Variants in NXPH2 observed in about 807,000 individuals in gnomAD.
NXPH2 encodes neurexophilin 2, also known as neurexophilin-2.
Under a neutral mutation model 19.8 loss-of-function variants are expected in NXPH2, and 5 were observed. The ratio of observed to expected loss-of-function variants is 0.25; its 90% confidence interval spans 0.13 to 0.53. NXPH2 has a LOEUF of 0.53. Among genes scored for constraint, NXPH2 ranks in the 20% least tolerant of loss-of-function variants. NXPH2 has a pLI of 0.96. For synonymous variants in NXPH2, 154 were observed against 127.4 expected, an observed-to-expected ratio of 1.21 and a Z score of -1.41; for missense variants, 289 against 322.8, an observed-to-expected ratio of 0.90 and a Z score of 0.80.
chr2:138,688,572 T>C (rs2104974212), intron 1 of NXPH2, among the ~76,000 whole-genome samples: 1 of 152,326 alleles, frequency 6.6e-6, no homozygotes, highest in African/African-American at 2.4e-5. Context: ...TCCACTAAAG[T>C]ACACTTTTGT....
chr2:138,713,861 C>T lies in NXPH2; in HGVS notation c.52-42196G>A, dbSNP rs142573506. On this transcript the variant is annotated intron_variant, in intron 1 of 1. Coordinates refer to ENST00000272641, the MANE Select transcript of NXPH2 (RefSeq NM_007226.3). The stretch of plus-strand genomic sequence containing the variant: ...TTTTCAGCGTAAATTACTGAACAAT[C>T]CTCCAGATACTGATTTTTATCTGCT... Among the ~76,000 whole-genome samples, 556 of 152,218 alleles carry T rather than the reference C, an allele frequency of 3.7e-3. 5 individuals are homozygous for T. The highest frequency in any genetic ancestry group is 3.7e-3 in the Non-Finnish European group (253 of 68,028).
chr2:138,677,873 A>G (rs1680507210), intron 1 of NXPH2, among the ~76,000 whole-genome samples: 1 of 152,210 alleles, frequency 6.6e-6, no homozygotes, highest in Non-Finnish European at 1.5e-5. Context: ...CAGAGTTCCC[A>G]TAGACCCTGC....
chr2:138,671,357 G>T lies in NXPH2; in HGVS notation c.360C>A (p.Asn120Lys). The T allele has an allele frequency of 1.9e-6, 3 of 1,613,880 alleles. No homozygotes were observed. Among genetic ancestry groups the T allele is most frequent in the Non-Finnish European group, 2.5e-6 (3 of 1,179,828 alleles). ...KMFGWGDFHS[N>K]IKTVKLNLLI... is the part of the protein sequence containing the mutation. ...GGAGATTGAGTTTGACAGTTTTAAT[G>T]TTGGAATGAAAGTCACCCCATCCAA... Residue 120 changes from asparagine to lysine, a missense_variant, in exon 2 of 2, where the codon AAC becomes AAA. Physicochemically the swap from Asn to Lys is moderately conservative, Grantham distance 94. Coordinates refer to ENST00000272641, the MANE Select transcript of NXPH2 (RefSeq NM_007226.3).
chr2:138,721,541 T>C (rs930252714), intron 1 of NXPH2, among the ~76,000 whole-genome samples: 2 of 152,120 alleles, frequency 1.3e-5, no homozygotes, highest in Admixed American at 6.5e-5. Context: ...ATGGAGGATG[T>C]ACTGGAGGAA....
chr2:138,764,310 C>T (rs1682061085), intron 1 of NXPH2, among the ~76,000 whole-genome samples: 2 of 152,142 alleles, frequency 1.3e-5, no homozygotes, highest in South Asian at 4.1e-4. Context: ...CAGGGGTCTC[C>T]AAACCTGGCT....
intron 1 of NXPH2, among the ~76,000 whole-genome samples, chr2:138,767,494 T>A (rs1682109662): frequency 6.6e-6 from 1 of 152,248 alleles, no homozygotes; most frequent in Non-Finnish European, 1.5e-5. Flanking sequence ...GTGCAGAACA[T>A]GCAGGTTTGT....
chr2:138,778,578 G>A (rs1159589540), intron 1 of NXPH2, among the ~76,000 whole-genome samples: 2 of 151,206 alleles, frequency 1.3e-5, no homozygotes, highest in East Asian at 1.9e-4. Context: ...CAGATACACA[G>A]TTCATATTTA....
At chr2:138,712,569 A>C (rs1681120771) in intron 1 of NXPH2, among the ~76,000 whole-genome samples, 1 of 152,166 alleles carries the variant, frequency 6.6e-6, no homozygotes, top group Non-Finnish European at 1.5e-5. Context: ...ATTCGGTGGC[A>C]GCACAGTATC....
At chr2:138,685,959 TATTC>T (rs1166790953) in intron 1 of NXPH2, among the ~76,000 whole-genome samples, 1 of 152,212 alleles carries the variant, frequency 6.6e-6, no homozygotes, top group Non-Finnish European at 1.5e-5. Context: ...TACTTGATCT[TATTC>T]ATCGTATGTC....
intron 1 of NXPH2, among the ~76,000 whole-genome samples, chr2:138,707,107 A>AAAAAAAAACAAAAAAAAAAAC (rs1558918445): frequency 6.8e-6 from 1 of 146,536 alleles, no homozygotes; most frequent in African/African-American, 2.5e-5. Context: ...AAAAAAAAAA[A>AAAAAAAAACAAAAAAAAAAAC]AAAAAGAGCA....
intron 1 of NXPH2, among the ~76,000 whole-genome samples, chr2:138,739,429 A>C (rs1038325968): frequency 1.3e-5 from 2 of 152,228 alleles, no homozygotes; most frequent in African/African-American, 2.4e-5. Context: ...TATGAGAAGC[A>C]GCAATGAAAT....
intron 1 of NXPH2, among the ~76,000 whole-genome samples, chr2:138,698,677 A>T (rs928609169): frequency 3.3e-5 from 5 of 152,108 alleles, no homozygotes; most frequent in Admixed American, 6.6e-5. Flanking sequence ...CAAGATGGCA[A>T]AACTCGTCTT....
chr2:138,718,709 A>C (rs1681230415), intron 1 of NXPH2, among the ~76,000 whole-genome samples: 1 of 152,214 alleles, frequency 6.6e-6, no homozygotes, highest in East Asian at 1.9e-4. Flanking sequence ...TAAGTGTCTT[A>C]ATGATATATT....
Position 138,669,495 on chromosome 2 carries a change from C to T in NXPH2, c.*1427G>A, listed in dbSNP as rs1680382874. 6.6e-6 allele frequency among the ~76,000 whole-genome samples: 1 copy of T among 152,134 alleles called. No homozygotes were observed. Among genetic ancestry groups the T allele is most frequent in the Non-Finnish European group, 1.5e-5 (1 of 68,010 alleles). ...AAAGAAATGAAGATAGAGAACAGAG[C>T]TCTTGGTTTTTTGAACAGTGTGGTA... On this transcript the variant is annotated 3_prime_UTR_variant, in exon 2 of 2. Transcript: ENST00000272641.
intron 1 of NXPH2, among the ~76,000 whole-genome samples, chr2:138,681,981 C>G (rs1680586364): frequency 6.6e-6 from 1 of 151,884 alleles, no homozygotes; most frequent in Admixed American, 6.6e-5. Context: ...CTTACAGATC[C>G]CTTTACAGTT....
At chr2:138,674,869 T>A (rs561576274) in intron 1 of NXPH2, among the ~76,000 whole-genome samples, 189 of 152,308 alleles carry the variant, frequency 1.2e-3, no homozygotes, top group African/African-American at 4.0e-3. Context: ...TTTAATGAGA[T>A]TCACCCTGCT....
At chr2:138,756,449 CT>C (rs11400090) in intron 1 of NXPH2, among the ~76,000 whole-genome samples, 20,038 of 140,838 alleles carry the variant, frequency 0.14, 1,306 homozygotes, top group Middle Eastern at 0.21. Context: ...AATTTTAGGA[CT>C]TTTTTTTTTT....
chr2:138,725,643 G>C (rs1306771768), intron 1 of NXPH2, among the ~76,000 whole-genome samples: 1 of 152,130 alleles, frequency 6.6e-6, no homozygotes, highest in African/African-American at 2.4e-5. Context: ...TAGATGCACT[G>C]ATTTTTATTC....
At chr2:138,753,994 A>AT (rs1681863911) in intron 1 of NXPH2, among the ~76,000 whole-genome samples, 1 of 151,658 alleles carries the variant, frequency 6.6e-6, no homozygotes, top group Non-Finnish European at 1.5e-5. Flanking sequence ...GGTTATTTCA[A>AT]TTTTTTTTGT....
Sources: gnomAD v4.1 joint callset for allele counts (sites outside exome capture counted in the v4.1 genomes callset) on GRCh38, gnomAD v4.1.1 for gene constraint, MANE v1.5 for transcripts, NCBI Gene and HGNC (gene_info 2026-07-23, HGNC 2026-07-21) for gene names.